ABLIM1: variants seen among roughly 807,000 people sequenced by gnomAD.
ABLIM1 encodes the protein actin binding LIM protein 1.
Under a neutral mutation model 107.0 loss-of-function variants are expected in ABLIM1, and 40 were observed. The ratio of observed to expected loss-of-function variants is 0.37; its 90% CI spans 0.29 to 0.49. The LOEUF (loss-of-function observed/expected upper bound fraction) is 0.49, where lower values mean the gene tolerates loss of function less well. ABLIM1 is among the 20% of genes least tolerant of loss of function. The pLI is 0.97. For missense variants in ABLIM1, 857 were observed against 1,008.5 expected, an observed-to-expected ratio of 0.85 and a Z score of 2.04; for synonymous variants, 357 against 357.3, an observed-to-expected ratio of 1.00 and a Z score of 0.01.
intron 5 of ABLIM1, among the ~76,000 whole-genome samples, chr10:114,545,483 A>C (rs2067211753): frequency 1.3e-5 from 2 of 152,232 alleles, no homozygotes; most frequent in African/African-American, 4.8e-5. Flanking sequence ...CCAGAGAAAG[A>C]ATGGTGTTAA....
intron 1 of ABLIM1, among the ~76,000 whole-genome samples, chr10:114,670,539 C>G (rs1484995917): frequency 6.6e-6 from 1 of 152,180 alleles, no homozygotes; most frequent in Non-Finnish European, 1.5e-5. Context: ...GCTCCCTCAT[C>G]CAGGAGTGCA....
At chr10:114,490,420 T>C (rs2058758041) in intron 7 of ABLIM1, among the ~76,000 whole-genome samples, 1 of 152,156 alleles carries the variant, frequency 6.6e-6, no homozygotes, top group Non-Finnish European at 1.5e-5. Context: ...CTGTAGACTT[T>C]CCTAAGTTGC....
chr10:114,436,777 G>C (rs1405067761), intron 22 of ABLIM1, among the ~76,000 whole-genome samples: 1 of 152,036 alleles, frequency 6.6e-6, no homozygotes, highest in Non-Finnish European at 1.5e-5. Context: ...GCTTCCTCCT[G>C]GCTGAGGAAT....
chr10:114,478,841 A>G (rs1377009493), intron 8 of ABLIM1, among the ~76,000 whole-genome samples: 1 of 152,076 alleles, frequency 6.6e-6, no homozygotes, highest in Non-Finnish European at 1.5e-5. Flanking sequence ...TTTATGGTAA[A>G]ATTTACTTCC....
chr10:114,701,639 C>G (rs1034602682), intron 1 of ABLIM1, among the ~76,000 whole-genome samples: 4 of 152,152 alleles, frequency 2.6e-5, no homozygotes, highest in Admixed American at 2.6e-4. Context: ...ACAGACCTTA[C>G]ACTGAGTGGA....
intron 1 of ABLIM1, among the ~76,000 whole-genome samples, chr10:114,752,047 G>A (rs1482208677): frequency 6.6e-6 from 1 of 152,198 alleles, no homozygotes; most frequent in African/African-American, 2.4e-5. Context: ...ATAAGAGGCT[G>A]CCAGTCTCTC....
At chr10:114,604,384 T>C (rs1187607600) in intron 1 of ABLIM1, among the ~76,000 whole-genome samples, 1 of 152,250 alleles carries the variant, frequency 6.6e-6, no homozygotes, top group African/African-American at 2.4e-5. Context: ...TCAAGTGCCG[T>C]TCTAAAAGCA....
intron 1 of ABLIM1, among the ~76,000 whole-genome samples, chr10:114,764,371 ATTTG>A (rs1382958657): frequency 2.6e-5 from 4 of 152,274 alleles, no homozygotes; most frequent in East Asian, 3.9e-4. Flanking sequence ...AAATTGATTT[ATTTG>A]TTTGTTTGTT....
chr10:114,639,487 C>A (rs927277419), intron 1 of ABLIM1, among the ~76,000 whole-genome samples: 1 of 152,214 alleles, frequency 6.6e-6, no homozygotes, highest in African/African-American at 2.4e-5. Context: ...TGATTAAACA[C>A]AGGCTGGGTT....
chr10:114,521,540 G>T (rs1256666082), intron 6 of ABLIM1, among the ~76,000 whole-genome samples: 1 of 152,196 alleles, frequency 6.6e-6, no homozygotes, highest in Admixed American at 6.5e-5. Context: ...AAGTGAGGTG[G>T]GTGTGGGGAG....
upstream of ABLIM1, among the ~76,000 whole-genome samples, chr10:114,661,970 T>A (rs1432638841): frequency 6.6e-6 from 1 of 152,194 alleles, no homozygotes; most frequent in Non-Finnish European, 1.5e-5. Context: ...CAATTACTGC[T>A]CTTTCTTCAT....
chr10:114,549,276 C>A (rs573067880), intron 4 of ABLIM1, among the ~76,000 whole-genome samples: 5 of 152,090 alleles, frequency 3.3e-5, no homozygotes, highest in Non-Finnish European at 7.4e-5. Flanking sequence ...CCCAGCTACT[C>A]AGGAGGCTGA....
intron 1 of ABLIM1, among the ~76,000 whole-genome samples, chr10:114,763,172 A>T (rs2082790946): frequency 6.6e-6 from 1 of 152,136 alleles, no homozygotes; most frequent in African/African-American, 2.4e-5. Flanking sequence ...TATTTATTGA[A>T]TTGGACCGAA....
At chr10:114,655,861 C>T (rs992002769) in intron 1 of ABLIM1, among the ~76,000 whole-genome samples, 3 of 152,190 alleles carry the variant, frequency 2.0e-5, no homozygotes, top group East Asian at 1.9e-4. Context: ...CTGTCGAAGT[C>T]GGTATCCTGT....
At chr10:114,558,193 C>T (rs2069059201) in intron 4 of ABLIM1, among the ~76,000 whole-genome samples, 2 of 152,140 alleles carry the variant, frequency 1.3e-5, no homozygotes, top group African/African-American at 4.8e-5. Flanking sequence ...TCTCCTTTAG[C>T]TAGTACTGAG....
intron 14 of ABLIM1, chr10:114,450,118 G>C (rs1297583486): frequency 2.5e-6 from 1 of 399,604 alleles, no homozygotes; most frequent in Non-Finnish European, 5.0e-6. Flanking sequence ...AACAACAAAA[G>C]GATGACTTCA....
At chr10:114,663,590 G>A (rs747562359) in intron 1 of ABLIM1, among the ~76,000 whole-genome samples, 1 of 152,218 alleles carries the variant, frequency 6.6e-6, no homozygotes, top group Non-Finnish European at 1.5e-5. Context: ...ATACCATGGT[G>A]TCTAAGAACT....
At chr10:114,721,783 C>T (rs1320121337) in intron 1 of ABLIM1, among the ~76,000 whole-genome samples, 3 of 152,052 alleles carry the variant, frequency 2.0e-5, no homozygotes, top group Non-Finnish European at 2.9e-5. Context: ...CTACCACGCC[C>T]GGCCAAGCAG....
At chr10:114,637,680 T>C (rs2078549468) in intron 1 of ABLIM1, among the ~76,000 whole-genome samples, 2 of 152,108 alleles carry the variant, frequency 1.3e-5, no homozygotes, top group Non-Finnish European at 2.9e-5. Context: ...AACAAATCAC[T>C]AAGGATATAA....
Sources: gnomAD v4.1 joint callset for allele counts (sites outside exome capture counted in the v4.1 genomes callset) on GRCh38, gnomAD v4.1.1 for gene constraint, MANE v1.5 for transcripts, NCBI Gene and HGNC (gene_info 2026-07-23, HGNC 2026-07-21) for gene names.